Variants in MACROD2 observed in about 807,000 individuals in gnomAD.
The protein encoded by MACROD2 is mono-ADP ribosylhydrolase 2.
Under a neutral mutation model 70.4 loss-of-function variants are expected in MACROD2, and 36 were observed. The ratio of observed to expected loss-of-function variants is 0.51; its 90% confidence interval spans 0.39 to 0.68. The LOEUF is 0.68. MACROD2 is among the 30% of genes least tolerant of loss of function. MACROD2 has a pLI of 0.00. For missense variants in MACROD2, 496 were observed against 538.4 expected (o/e 0.92, Z 0.78); for synonymous variants, 172 against 178.8 (o/e 0.96, Z 0.30).
intron 8 of MACROD2, among the ~76,000 whole-genome samples, chr20:15,610,643 G>A (rs1051526571): frequency 3.9e-5 from 6 of 152,120 alleles, no homozygotes; most frequent in African/African-American, 1.4e-4. Context: ...GTTCCAGGTG[G>A]GCATATTATG....
chr20:14,985,324 C>A (rs1222131996), intron 5 of MACROD2, among the ~76,000 whole-genome samples: 1 of 152,190 alleles, frequency 6.6e-6, no homozygotes, highest in Non-Finnish European at 1.5e-5. Context: ...CACCATGATG[C>A]CCTTCCAAAT....
chr20:14,043,542 A>G (rs929660896), intron 2 of MACROD2, among the ~76,000 whole-genome samples: 2 of 152,172 alleles, frequency 1.3e-5, no homozygotes, highest in African/African-American at 4.8e-5. Context: ...GTGATTGAAG[A>G]ACTGTGTAGA....
chr20:15,001,935 G>T (rs755497612), intron 5 of MACROD2, among the ~76,000 whole-genome samples: 58 of 150,764 alleles, frequency 3.8e-4, no homozygotes, highest in Middle Eastern at 3.4e-3. Flanking sequence ...AGCTTAGCGC[G>T]TGTGCATGCC....
intron 6 of MACROD2, among the ~76,000 whole-genome samples, chr20:15,297,544 A>T (rs1188016397): frequency 6.6e-6 from 1 of 152,160 alleles, no homozygotes; most frequent in East Asian, 1.9e-4. Context: ...TTACCAAACC[A>T]TCTGTAACTG....
intron 8 of MACROD2, among the ~76,000 whole-genome samples, chr20:15,636,435 A>G (rs1439880844): frequency 6.6e-6 from 1 of 152,216 alleles, no homozygotes; most frequent in Non-Finnish European, 1.5e-5. Context: ...GTGATTCTTT[A>G]GCCCATTCAA....
chr20:14,065,033 A>G (rs547190640), intron 2 of MACROD2, among the ~76,000 whole-genome samples: 6 of 152,316 alleles, frequency 3.9e-5, no homozygotes, highest in African/African-American at 1.4e-4. Flanking sequence ...TTTGTTGCAG[A>G]GATTAGCATT....
Position 14,012,365 on chromosome 20 carries a change from C to A in MACROD2, c.163+9961C>A, listed in dbSNP as rs191506938. On this transcript the variant is annotated intron_variant, in intron 2 of 17. Coordinates refer to ENST00000684519, the MANE Select transcript of MACROD2 (RefSeq NM_001351661.2). Reference sequence around the variant, plus strand: ...GGTCCTATTAGTCTATAGGTATGCTCATTCTTCTAGCAATCCTGCACTCAC... The same window carrying A: ...GGTCCTATTAGTCTATAGGTATGCTAATTCTTCTAGCAATCCTGCACTCAC... Among the ~76,000 whole-genome samples the A allele has an allele frequency of 1.7e-3, 260 of 152,266 alleles. 2 individuals are homozygous for A. Among genetic ancestry groups the A allele is most frequent in the African/African-American group, 5.9e-3 (245 of 41,554 alleles).
intron 5 of MACROD2, among the ~76,000 whole-genome samples, chr20:15,150,271 G>T (rs934188501): frequency 6.6e-6 from 1 of 151,970 alleles, no homozygotes; most frequent in South Asian, 2.1e-4. Flanking sequence ...AAGAGAGGCT[G>T]GGACGAGGGG....
chr20:14,243,479 C>T lies in MACROD2; in HGVS notation c.271+157751C>T, dbSNP rs1397518474. Among the ~76,000 whole-genome samples, 9 of 152,090 alleles carry T rather than the reference C, an allele frequency of 5.9e-5. No individual in the cohort carries two copies. The East Asian group carries it at 1.7e-3, about 29-fold the overall frequency. On this transcript the variant is annotated intron_variant, in intron 3 of 17. Transcript: ENST00000684519. ...CCTTTTTTGGCTAGATGCCATTATTCCATATATATAATTATTTCATTATTT... is the reference window on the plus strand; with the variant it reads ...CCTTTTTTGGCTAGATGCCATTATTTCATATATATAATTATTTCATTATTT...
At chr20:15,108,958 A>G (rs1469379243) in intron 5 of MACROD2, among the ~76,000 whole-genome samples, 1 of 152,172 alleles carries the variant, frequency 6.6e-6, no homozygotes, top group Non-Finnish European at 1.5e-5. Flanking sequence ...AGATCTGCAC[A>G]GTTATTACCA....
Position 14,327,472 on chromosome 20 carries a change from C to G in MACROD2, c.272-166007C>G. 6.2e-7 allele frequency: 1 copy of G among 1,613,022 alleles called. No individual in the cohort carries two copies. Among genetic ancestry groups the G allele is most frequent in the Admixed American group, 1.7e-5 (1 of 59,896 alleles). The stretch of plus-strand genomic sequence containing the variant: ...TTGAAGGAACAGCCCAATTTTAGTC[C>G]CGATGAGGAAGATGCTCCAGGCTGC... On this transcript the variant is annotated intron_variant, in intron 3 of 17. Transcript: ENST00000684519.
intron 5 of MACROD2, among the ~76,000 whole-genome samples, chr20:14,899,971 G>A (rs916522119): frequency 6.6e-6 from 1 of 152,078 alleles, no homozygotes; most frequent in African/African-American, 2.4e-5. Context: ...AGTTTGAAGA[G>A]GTTCTCTTCT....
At chr20:14,327,925 CATA>C (rs1161913315) in intron 3 of MACROD2, among the ~76,000 whole-genome samples, 1 of 151,942 alleles carries the variant, frequency 6.6e-6, no homozygotes, top group African/African-American at 2.4e-5. Context: ...ACTTAATATT[CATA>C]ATAAGTAACA....
intron 6 of MACROD2, among the ~76,000 whole-genome samples, chr20:15,282,360 T>C (rs1347476590): frequency 6.6e-6 from 1 of 152,220 alleles, no homozygotes; most frequent in Non-Finnish European, 1.5e-5. Context: ...GGCTGCAAAT[T>C]TTTCTAACTT....
chr20:15,310,720 G>A (rs2077743001), intron 6 of MACROD2, among the ~76,000 whole-genome samples: 1 of 152,106 alleles, frequency 6.6e-6, no homozygotes, highest in African/African-American at 2.4e-5. Flanking sequence ...TGCAGAAACA[G>A]AGAAGTCCTC....
chr20:14,530,534 C>T (rs1026651305), intron 4 of MACROD2, among the ~76,000 whole-genome samples: 1 of 152,072 alleles, frequency 6.6e-6, no homozygotes, highest in African/African-American at 2.4e-5. Flanking sequence ...TATATTCTGG[C>T]AGAAAAAATC....
At chr20:14,897,079 G>C (rs553379854) in intron 5 of MACROD2, among the ~76,000 whole-genome samples, 1 of 152,244 alleles carries the variant, frequency 6.6e-6, no homozygotes, top group South Asian at 2.1e-4. Flanking sequence ...TGGAGTTCCT[G>C]CACTTTTCTT....
At chr20:14,535,821 A>G (rs997407249) in intron 4 of MACROD2, among the ~76,000 whole-genome samples, 6 of 152,206 alleles carry the variant, frequency 3.9e-5, no homozygotes, top group Non-Finnish European at 7.3e-5. Context: ...ATCATATTAT[A>G]TCCTAAGAAG....
chr20:15,899,586 T>C (rs2065033930), intron 10 of MACROD2, among the ~76,000 whole-genome samples: 1 of 152,228 alleles, frequency 6.6e-6, no homozygotes, highest in South Asian at 2.1e-4. Context: ...GTAGCATGTT[T>C]CAAACAGTAA....
Sources: allele counts gnomAD v4.1 joint callset (sites outside exome capture counted in the v4.1 genomes callset), GRCh38; gene constraint gnomAD v4.1.1; transcripts MANE v1.5; gene names NCBI Gene and HGNC (gene_info 2026-07-23, HGNC 2026-07-21).